PTPRT: variants seen among roughly 807,000 people sequenced by gnomAD.
PTPRT encodes protein tyrosine phosphatase receptor type T.
PTPRT carries 56 observed loss-of-function variants against 176.8 expected under a neutral mutation model. The ratio of observed to expected loss-of-function variants is 0.32; its 90% CI spans 0.26 to 0.40. The LOEUF (loss-of-function observed/expected upper bound fraction) is 0.40, where lower values mean the gene tolerates loss of function less well. PTPRT is among the 10% of genes least tolerant of loss of function. The pLI is 1.00. For missense variants in PTPRT, 1,540 were observed against 1,908.2 expected, an observed-to-expected ratio of 0.81 and a Z score of 3.60; for synonymous variants, 783 against 739.0, an observed-to-expected ratio of 1.06 and a Z score of -0.96.
intron 9 of PTPRT, among the ~76,000 whole-genome samples, chr20:42,382,949 T>TGCAG (rs1313804217): frequency 2.0e-5 from 3 of 152,156 alleles, no homozygotes; most frequent in Admixed American, 6.5e-5. Context: ...AGTATGGAAT[T>TGCAG]TAGGTGTCTG....
intron 5 of PTPRT, among the ~76,000 whole-genome samples, chr20:42,758,246 T>C (rs1370108212): frequency 6.6e-6 from 1 of 152,224 alleles, no homozygotes; most frequent in African/African-American, 2.4e-5. Context: ...GCGATCTTCA[T>C]TGTTTCCTGC....
At chr20:42,847,310 G>A (rs1020615983) in intron 2 of PTPRT, among the ~76,000 whole-genome samples, 5 of 152,096 alleles carry the variant, frequency 3.3e-5, no homozygotes, top group South Asian at 2.1e-4. Context: ...CAAGACACAC[G>A]GCTGGCCCAT....
intron 7 of PTPRT, among the ~76,000 whole-genome samples, chr20:42,476,929 C>G (rs1262282895): frequency 6.6e-6 from 1 of 152,208 alleles, no homozygotes; most frequent in African/African-American, 2.4e-5. Flanking sequence ...CTGTCCCGAA[C>G]ATGTGCAAAA....
chr20:42,604,828 C>T (rs1291000438), intron 7 of PTPRT, among the ~76,000 whole-genome samples: 1 of 152,200 alleles, frequency 6.6e-6, no homozygotes, highest in Non-Finnish European at 1.5e-5. Context: ...CCTGCACTGG[C>T]ATGGCTCATG....
At chr20:42,930,008 G>A (rs143689377) in intron 1 of PTPRT, among the ~76,000 whole-genome samples, 1 of 152,306 alleles carries the variant, frequency 6.6e-6, no homozygotes, top group Non-Finnish European at 1.5e-5. Flanking sequence ...CAATTAGGAC[G>A]CCTGGCTGTA....
At chr20:42,966,869 G>A (rs771508714) in intron 1 of PTPRT, among the ~76,000 whole-genome samples, 9 of 152,144 alleles carry the variant, frequency 5.9e-5, no homozygotes, top group Admixed American at 3.9e-4. Context: ...GTGTACCTGC[G>A]GAACTGTCAG....
chr20:42,564,712 C>G (rs1042286582), intron 7 of PTPRT, among the ~76,000 whole-genome samples: 1 of 152,216 alleles, frequency 6.6e-6, no homozygotes, highest in Middle Eastern at 3.4e-3. Flanking sequence ...ATCTATGTAA[C>G]AAACCTGCAC....
At chr20:42,671,553 A>C (rs1405446237) in intron 7 of PTPRT, among the ~76,000 whole-genome samples, 3 of 152,206 alleles carry the variant, frequency 2.0e-5, no homozygotes, top group African/African-American at 7.2e-5. Flanking sequence ...GATGAACAAC[A>C]AAAGAATATG....
the PTPRT span, among the ~76,000 whole-genome samples, chr20:42,066,484 CTG>C: frequency 3.3e-5 from 5 of 152,004 alleles, no homozygotes; most frequent in Non-Finnish European, 5.9e-5. Flanking sequence ...AATTTGGTAT[CTG>C]TGCAATTTCT....
At chr20:42,961,495 G>C (rs1025283525) in intron 1 of PTPRT, among the ~76,000 whole-genome samples, 1 of 152,244 alleles carries the variant, frequency 6.6e-6, no homozygotes, top group African/African-American at 2.4e-5. Flanking sequence ...GAAGTAGAAT[G>C]AGTGTCCTCG....
intron 7 of PTPRT, among the ~76,000 whole-genome samples, chr20:42,532,172 C>T (rs1272036584): frequency 6.6e-6 from 1 of 152,090 alleles, no homozygotes; most frequent in Non-Finnish European, 1.5e-5. Flanking sequence ...TGGCTTAGGG[C>T]ACAAGGTCAG....
At chr20:42,272,482 A>G (rs1268696125) in intron 13 of PTPRT, among the ~76,000 whole-genome samples, 1 of 152,076 alleles carries the variant, frequency 6.6e-6, no homozygotes, top group African/African-American at 2.4e-5. Flanking sequence ...AAAGAAATGC[A>G]AAGCTTCAGA....
intron 17 of PTPRT, among the ~76,000 whole-genome samples, chr20:42,148,620 A>G: frequency 6.6e-6 from 1 of 152,114 alleles, no homozygotes; most frequent in East Asian, 1.9e-4. Flanking sequence ...CAGCCCCTGA[A>G]TTCTGGGAGC....
At chr20:42,771,597 G>A (rs1489445087) in intron 4 of PTPRT, 47 bp from the exon 5 acceptor site, 1 of 1,498,092 alleles carries the variant, frequency 6.7e-7, no homozygotes, top group Non-Finnish European at 9.3e-7. Flanking sequence ...TCGACAGCCT[G>A]CACCACTTCC....
At chr20:42,739,644 A>G (rs1253583190) in intron 6 of PTPRT, among the ~76,000 whole-genome samples, 1 of 152,216 alleles carries the variant, frequency 6.6e-6, no homozygotes, top group Admixed American at 6.5e-5. Flanking sequence ...ATAGACATAG[A>G]TAACACAACT....
intron 12 of PTPRT, among the ~76,000 whole-genome samples, chr20:42,306,759 G>C (rs6016740): frequency 0.74 from 111,898 of 152,022 alleles, 41,619 homozygotes; most frequent in African/African-American, 0.84. Context: ...GGTGGAACAG[G>C]AGCACATTGA....
intron 9 of PTPRT, among the ~76,000 whole-genome samples, chr20:42,360,777 T>C (rs2058422206): frequency 6.6e-6 from 1 of 152,184 alleles, no homozygotes; most frequent in South Asian, 2.1e-4. Context: ...AATAATCCCA[T>C]GATCCTGCTC....
chr20:42,717,181 TATA>T (rs71335871), intron 6 of PTPRT, among the ~76,000 whole-genome samples: 90,446 of 146,132 alleles, frequency 0.62, 28,456 homozygotes, highest in Non-Finnish European at 0.68. Flanking sequence ...AAACTTAAAG[TATA>T]ATAATAATAA....
intron 2 of PTPRT, among the ~76,000 whole-genome samples, chr20:42,834,355 GA>G (rs528682416): frequency 1.3e-5 from 2 of 151,582 alleles, no homozygotes; most frequent in Non-Finnish European, 2.9e-5. Flanking sequence ...GGGGAAAAAG[GA>G]AAAAAAATGC....
Sources: gnomAD v4.1 joint callset for allele counts (sites outside exome capture counted in the v4.1 genomes callset) on GRCh38, gnomAD v4.1.1 for gene constraint, MANE v1.5 for transcripts, NCBI Gene and HGNC (gene_info 2026-07-23, HGNC 2026-07-21) for gene names.